Variants in MAPK14 observed in about 807,000 individuals in gnomAD.
MAPK14 encodes mitogen-activated protein kinase 14, also known as CSAID-binding protein.
MAPK14 carries 16 observed loss-of-function variants against 49.6 expected under a neutral mutation model. The ratio of observed to expected loss-of-function variants is 0.32; its 90% CI spans 0.22 to 0.49. MAPK14 has a LOEUF of 0.49. Among genes scored for constraint, MAPK14 ranks in the 20% least tolerant of loss-of-function variants. MAPK14 has a pLI of 0.99. For missense variants in MAPK14, 200 were observed against 441.2 expected (o/e 0.45, Z 4.90); for synonymous variants, 142 against 158.0 (o/e 0.90, Z 0.76).
downstream of MAPK14, among the ~76,000 whole-genome samples, chr6:36,115,104 T>TGATG (rs1346307837): frequency 3.9e-5 from 6 of 152,348 alleles, no homozygotes; most frequent in South Asian, 6.2e-4. Context: ...TAGGCTGTGG[T>TGATG]CTAAGTACGC....
chr6:36,122,411 A>G, the MAPK14 span, among the ~76,000 whole-genome samples: 1 of 152,240 alleles, frequency 6.6e-6, no homozygotes, highest in East Asian at 1.9e-4. Flanking sequence ...TTGGGCCTGC[A>G]TATCAGCTGC....
chr6:36,031,691 C>T (rs528971779), intron 1 of MAPK14, among the ~76,000 whole-genome samples: 168 of 152,274 alleles, frequency 1.1e-3, no homozygotes, highest in African/African-American at 3.7e-3. Context: ...AGGGGTGAGC[C>T]ACCGTCTCTG....
intron 8 of MAPK14, among the ~76,000 whole-genome samples, chr6:36,078,465 C>T (rs1275924392): frequency 6.6e-6 from 1 of 152,160 alleles, no homozygotes; most frequent in Non-Finnish European, 1.5e-5. Flanking sequence ...AGAAAGTTTT[C>T]GAAGCAGTGT....
chr6:36,093,071 G>A (rs1765301367), intron 8 of MAPK14, among the ~76,000 whole-genome samples: 1 of 152,184 alleles, frequency 6.6e-6, no homozygotes, highest in Admixed American at 6.5e-5. Flanking sequence ...ACTTCAAAGT[G>A]TAAATAGGAA....
intron 8 of MAPK14, among the ~76,000 whole-genome samples, chr6:36,078,056 A>G (rs1410897187): frequency 6.6e-6 from 1 of 152,148 alleles, no homozygotes; most frequent in Non-Finnish European, 1.5e-5. Context: ...CGGTGTAGAC[A>G]CACAAGGTGG....
At chr6:36,073,471 C>T (rs185539375) in intron 4 of MAPK14, among the ~76,000 whole-genome samples, 218 of 152,200 alleles carry the variant, frequency 1.4e-3, no homozygotes, top group Non-Finnish European at 2.7e-3. Flanking sequence ...TCCAGAGTGC[C>T]AACCAGAAAA....
At chr6:36,080,029 C>T (rs751260722) in intron 8 of MAPK14, among the ~76,000 whole-genome samples, 4 of 151,898 alleles carry the variant, frequency 2.6e-5, no homozygotes, top group African/African-American at 4.8e-5. Flanking sequence ...CTACAACCTC[C>T]GCCTCCCGGG....
At chr6:36,074,853 A>G (rs1370837790) in intron 6 of MAPK14, among the ~76,000 whole-genome samples, 1 of 151,376 alleles carries the variant, frequency 6.6e-6, no homozygotes, top group African/African-American at 2.4e-5. Context: ...TGACCTCGTG[A>G]TCCACCTGCC....
intron 1 of MAPK14, among the ~76,000 whole-genome samples, chr6:36,039,095 T>G (rs1264739790): frequency 6.6e-6 from 1 of 152,200 alleles, no homozygotes; most frequent in African/African-American, 2.4e-5. Flanking sequence ...TCTGTTAAAC[T>G]TAAATATATC....
intron 10 of MAPK14, among the ~76,000 whole-genome samples, chr6:36,106,624 A>C (rs1351517565): frequency 1.3e-5 from 2 of 152,230 alleles, no homozygotes; most frequent in Admixed American, 1.3e-4. Flanking sequence ...TGTCATGTCT[A>C]TAATTTTATT....
At chr6:36,089,348 T>A (rs113075018) in intron 8 of MAPK14, among the ~76,000 whole-genome samples, 3,617 of 152,028 alleles carry the variant, frequency 0.024, 132 homozygotes, top group African/African-American at 0.077. Flanking sequence ...CATGGACACA[T>A]GGAGGAGAAC....
At chr6:36,076,056 A>G (rs2127445526) in intron 7 of MAPK14, 94 bp downstream of exon 7, 6 of 1,320,958 alleles carry the variant, frequency 4.5e-6, no homozygotes, top group Non-Finnish European at 6.3e-6. Flanking sequence ...GTGGGAAGAA[A>G]TGTCTTTTCT....
chr6:36,073,793 A>G (rs1764407189), intron 5 of MAPK14, 73 bp downstream of exon 5: 2 of 1,422,790 alleles, frequency 1.4e-6, no homozygotes, highest in Non-Finnish European at 2.0e-6. Context: ...TTTAGCCAAG[A>G]TCCTAATCTA....
intron 1 of MAPK14, among the ~76,000 whole-genome samples, chr6:36,031,613 C>T (rs1021881928): frequency 6.6e-6 from 1 of 152,090 alleles, no homozygotes; most frequent in African/African-American, 2.4e-5. Context: ...CCATGTTGGC[C>T]AGGCTGATCT....
chr6:36,073,127 A>G, intron 4 of MAPK14, 143 bp downstream of exon 4: 1 of 653,494 alleles, frequency 1.5e-6, no homozygotes, highest in Non-Finnish European at 2.7e-6. Context: ...ATAGTACAGT[A>G]AACTGCCATG....
At chr6:36,045,622 C>T (rs546036464) in intron 1 of MAPK14, among the ~76,000 whole-genome samples, 1 of 152,066 alleles carries the variant, frequency 6.6e-6, no homozygotes, top group Admixed American at 6.5e-5. Flanking sequence ...TCCTGGCTAA[C>T]ACGGTGAAAC....
chr6:36,046,942 A>C (rs1242572510), intron 1 of MAPK14, among the ~76,000 whole-genome samples: 1 of 152,180 alleles, frequency 6.6e-6, no homozygotes, highest in Non-Finnish European at 1.5e-5. Context: ...GAGAGAAGAA[A>C]GTGTTCAGCT....
chr6:36,108,341 C>T (rs199819745), intron 11 of MAPK14, 39 bp from the exon 12 acceptor site: 36 of 1,503,132 alleles, frequency 2.4e-5, no homozygotes, highest in Non-Finnish European at 3.2e-5. Context: ...AGAGAATAGC[C>T]TAAACTCTCA....
In MAPK14 at chr6:36,060,298, T is replaced by C. The variant is rs190048274; in HGVS notation, c.305+951T>C. ...TGCCTTCACATGCCCAGGTTGCACA[T>C]TGGTGGGCCATAAGACAGATTCCAG... On this transcript the variant is annotated intron_variant, in intron 3 of 11. Coordinates refer to ENST00000229794, the MANE Select transcript of MAPK14 (RefSeq NM_139012.3). 2.6e-3 allele frequency among the ~76,000 whole-genome samples: 402 copies of C among 152,300 alleles called. 10 individuals carry two copies. Among genetic ancestry groups the C allele is most frequent in the Admixed American group, 0.026 (391 of 15,298 alleles).
Sources: gnomAD v4.1 joint callset for allele counts (sites outside exome capture counted in the v4.1 genomes callset) on GRCh38, gnomAD v4.1.1 for gene constraint, MANE v1.5 for transcripts, NCBI Gene and HGNC (gene_info 2026-07-23, HGNC 2026-07-21) for gene names.